Variants in ATXN10 observed in about 807,000 individuals in gnomAD.
ATXN10 encodes ataxin 10.
Under a neutral mutation model 52.9 loss-of-function variants are expected in ATXN10, and 28 were observed. The observed-to-expected ratio is 0.53, with a 90% CI of 0.39 to 0.73. The LOEUF is 0.73. Ranked by LOEUF, ATXN10 falls within the 30% of genes least tolerant of loss-of-function variation. The probability of loss-of-function intolerance (pLI) is 0.00; values close to 1 mark genes in which losing one functional copy is unlikely to be tolerated. For missense variants in ATXN10, 565 were observed against 577.0 expected, an observed-to-expected ratio of 0.98 and a Z score of 0.21; for synonymous variants, 226 against 221.5, an observed-to-expected ratio of 1.02 and a Z score of -0.18.
At chr22:45,699,734 C>T (rs571449893) in intron 3 of ATXN10, among the ~76,000 whole-genome samples, 23 of 151,702 alleles carry the variant, frequency 1.5e-4, no homozygotes, top group Non-Finnish European at 2.8e-4. Context: ...TCAGGTGATC[C>T]GCACCCCCCT....
intron 2 of ATXN10, among the ~76,000 whole-genome samples, 170 bp from the exon 3 acceptor site, chr22:45,692,826 C>G (rs1184143730): frequency 6.6e-6 from 1 of 152,184 alleles, no homozygotes; most frequent in Non-Finnish European, 1.5e-5. Flanking sequence ...TAAATATAAC[C>G]TCTACTGCTA....
intron 3 of ATXN10, among the ~76,000 whole-genome samples, chr22:45,694,069 G>A (rs1309652168): frequency 6.6e-6 from 1 of 152,052 alleles, no homozygotes; most frequent in Non-Finnish European, 1.5e-5. Context: ...TTCCGTTGAG[G>A]GGAACCACAT....
intron 9 of ATXN10, among the ~76,000 whole-genome samples, chr22:45,761,832 A>G (rs748049845): frequency 1.4e-3 from 220 of 152,204 alleles, no homozygotes; most frequent in Non-Finnish European, 2.2e-3. Context: ...GATTTTTTAA[A>G]ATGTTGGCTA....
chr22:45,700,459 A>G (rs1158001326), intron 4 of ATXN10, 81 bp downstream of exon 4: 2 of 1,147,136 alleles, frequency 1.7e-6, no homozygotes, highest in Non-Finnish European at 1.3e-6. Context: ...GTTCGAAAAC[A>G]GGAAAAAGTA....
At chr22:45,810,579 A>T (rs1488341700) in intron 10 of ATXN10, among the ~76,000 whole-genome samples, 1 of 152,230 alleles carries the variant, frequency 6.6e-6, no homozygotes, top group Non-Finnish European at 1.5e-5. Flanking sequence ...AATGAATTTG[A>T]TGAGAATTGA....
At chr22:45,782,398 G>A (rs1470351485) in intron 9 of ATXN10, among the ~76,000 whole-genome samples, 1 of 152,176 alleles carries the variant, frequency 6.6e-6, no homozygotes, top group Non-Finnish European at 1.5e-5. Flanking sequence ...GCCAAAGACT[G>A]GAAACAACCC....
chr22:45,703,895 G>A (rs1042696951), intron 5 of ATXN10: 2 of 152,310 alleles, frequency 1.3e-5, no homozygotes, highest in South Asian at 4.1e-4. Context: ...GAGCAAAAAG[G>A]ATACAGCCTC....
chr22:45,794,855 G>GA (rs1471165436), intron 9 of ATXN10, among the ~76,000 whole-genome samples: 4 of 152,108 alleles, frequency 2.6e-5, no homozygotes, highest in Non-Finnish European at 5.9e-5. Flanking sequence ...ATATACAAAG[G>GA]ATCAGAATCC....
chr22:45,739,465 G>C (rs758931087), intron 8 of ATXN10, among the ~76,000 whole-genome samples: 5 of 152,184 alleles, frequency 3.3e-5, no homozygotes, highest in African/African-American at 4.8e-5. Context: ...TCCTGAGAAA[G>C]ATGACTTTGT....
chr22:45,742,812 C>T (rs1046924937), intron 9 of ATXN10, among the ~76,000 whole-genome samples: 1 of 141,704 alleles, frequency 7.1e-6, no homozygotes, highest in African/African-American at 2.7e-5. Context: ...TCCTCATCTT[C>T]AGGAGAGTGA....
intron 10 of ATXN10, among the ~76,000 whole-genome samples, chr22:45,831,197 A>G (rs1928980166): frequency 6.6e-6 from 1 of 152,136 alleles, no homozygotes; most frequent in Non-Finnish European, 1.5e-5. Context: ...GGTTGAGGGG[A>G]GAGAAGAAAG....
intron 3 of ATXN10, among the ~76,000 whole-genome samples, chr22:45,698,994 G>A (rs111557865): frequency 0.013 from 2,039 of 152,224 alleles, 50 homozygotes; most frequent in African/African-American, 0.047. Context: ...CTTGAGGTAA[G>A]AACTGTAATT....
Position 45,672,189 on chromosome 22 carries a change from C to A in ATXN10, c.116+10C>A. The A allele has an allele frequency of 2.6e-6, 4 of 1,527,852 alleles. No homozygotes were observed. Among genetic ancestry groups the A allele is most frequent in the South Asian group, 1.2e-5 (1 of 83,000 alleles). 94.6% of individuals were successfully genotyped at this position (1,527,852 alleles called of 1,614,324 possible). On this transcript the variant is annotated intron_variant, in intron 1 of 11. Coordinates refer to ENST00000252934, the MANE Select transcript of ATXN10 (RefSeq NM_013236.4). ...AAGAGCAGCGGAACCGGTAACGGGT[C>A]CGGCCGGGGGGCTGCCCCGGGCAGG...
chr22:45,752,612 C>T (rs117595263), intron 9 of ATXN10, among the ~76,000 whole-genome samples: 4,137 of 151,424 alleles, frequency 0.027, 99 homozygotes, highest in Non-Finnish European at 0.041. Flanking sequence ...AGAGAGCTGG[C>T]CCCTTGGCTG....
At chr22:45,743,670 G>T (rs913574384) in intron 9 of ATXN10, among the ~76,000 whole-genome samples, 2 of 152,092 alleles carry the variant, frequency 1.3e-5, no homozygotes, top group African/African-American at 2.4e-5. Context: ...GCCTAATTTG[G>T]GTTCCTCCTT....
intron 1 of ATXN10, 163 bp downstream of exon 1, chr22:45,672,342 G>A: frequency 1.3e-6 from 1 of 743,368 alleles, no homozygotes; most frequent in Non-Finnish European, 1.7e-6. Context: ...CGACTCCCAG[G>A]CACCGCCTCG....
Position 45,701,522 on chromosome 22 carries a change from A to G in ATXN10, c.488+1144A>G, listed in dbSNP as rs1923844829. On this transcript the variant is annotated intron_variant, in intron 4 of 11. Transcript: ENST00000252934. This position sits in a 1 kb window ranked among gnomAD's most constrained non-coding sequence, Gnocchi z 4.2. Reference sequence around the variant, plus strand: ...ATAATTAAGAGTTGAAGGTGTATATATATTAATGTTACATATATTAATGAT... The same window carrying G: ...ATAATTAAGAGTTGAAGGTGTATATGTATTAATGTTACATATATTAATGAT... Among the ~76,000 whole-genome samples, 1 of 152,236 alleles carries G rather than the reference A, an allele frequency of 6.6e-6. No individual in the cohort carries two copies. The highest frequency in any genetic ancestry group is 1.5e-5 in the Non-Finnish European group (1 of 68,046).
chr22:45,746,553 T>C (rs1285098909), intron 9 of ATXN10, among the ~76,000 whole-genome samples: 1 of 152,158 alleles, frequency 6.6e-6, no homozygotes, highest in Non-Finnish European at 1.5e-5. Flanking sequence ...TATGTGTTAG[T>C]GTTTTTCTTT....
intron 9 of ATXN10, among the ~76,000 whole-genome samples, chr22:45,794,838 T>C (rs1178666365): frequency 6.6e-6 from 1 of 152,140 alleles, no homozygotes; most frequent in Non-Finnish European, 1.5e-5. Context: ...ACCTGACCTA[T>C]ACAAATATAT....
Sources: allele counts gnomAD v4.1 joint callset (sites outside exome capture counted in the v4.1 genomes callset), GRCh38; gene constraint gnomAD v4.1.1; non-coding constraint Gnocchi (gnomAD v3.1); transcripts MANE v1.5; gene names NCBI Gene and HGNC (gene_info 2026-07-23, HGNC 2026-07-21).